Variants in LRRC4C observed in about 807,000 individuals in gnomAD.
The protein encoded by LRRC4C is leucine-rich repeat-containing protein 4C.
A neutral mutation model predicts 33.6 loss-of-function variants in LRRC4C; 5 were observed. The ratio of observed to expected loss-of-function variants is 0.15; its 90% CI spans 0.08 to 0.31. The LOEUF is 0.31. Ranked by LOEUF, LRRC4C falls within the 10% of genes least tolerant of loss-of-function variation. The pLI is 1.00. For synonymous variants in LRRC4C, 329 were observed against 302.0 expected, an observed-to-expected ratio of 1.09 and a Z score of -0.93; for missense variants, 560 against 796.7, an observed-to-expected ratio of 0.70 and a Z score of 3.58.
intron 2 of LRRC4C, among the ~76,000 whole-genome samples, chr11:40,671,444 G>A (rs1944103466): frequency 6.6e-6 from 1 of 152,124 alleles, no homozygotes; most frequent in Non-Finnish European, 1.5e-5. Context: ...GGATTGGGAA[G>A]CAGATAGAGA....
intron 5 of LRRC4C, among the ~76,000 whole-genome samples, chr11:40,194,625 T>G (rs1428931419): frequency 2.1e-3 from 240 of 112,294 alleles, no homozygotes; most frequent in East Asian, 2.2e-3. Context: ...TGTCGGGGGG[T>G]GGGGGGCAAA....
At chr11:41,410,422 T>G (rs993740615) in intron 1 of LRRC4C, among the ~76,000 whole-genome samples, 2 of 151,532 alleles carry the variant, frequency 1.3e-5, no homozygotes, top group Non-Finnish European at 2.9e-5. Flanking sequence ...TTTTCTTTTT[T>G]TTTTTTCGAG....
intron 2 of LRRC4C, among the ~76,000 whole-genome samples, chr11:40,659,080 G>A (rs1174270489): frequency 6.6e-6 from 1 of 152,220 alleles, no homozygotes; most frequent in Non-Finnish European, 1.5e-5. Flanking sequence ...GGGGGCCCAG[G>A]AAGCCCCTAC....
In LRRC4C at chr11:40,166,824, T is replaced by C. The variant is rs566710024; in HGVS notation, c.-95-25971A>G. ...GAAAATATTGGAGTGCATTATATAC[T>C]GTATACTGTTTTGTGATATAAACAT... is the stretch of plus-strand genomic sequence containing the variant. On this transcript the variant is annotated intron_variant, in intron 5 of 6. Transcript: ENST00000528697. Among the ~76,000 whole-genome samples the C allele has an allele frequency of 1.6e-4, 24 of 152,232 alleles. No homozygotes were observed. In the East Asian group the frequency reaches 4.1e-3, roughly 26 times the overall value.
intron 1 of LRRC4C, among the ~76,000 whole-genome samples, chr11:41,093,813 C>T (rs569854689): frequency 2.0e-4 from 30 of 151,088 alleles, no homozygotes; most frequent in Non-Finnish European, 3.1e-4. Flanking sequence ...ACAGACCGGC[C>T]GGGCCCGGTG....
chr11:41,011,657 A>G (rs561527966), intron 1 of LRRC4C, among the ~76,000 whole-genome samples: 9 of 151,954 alleles, frequency 5.9e-5, no homozygotes, highest in Admixed American at 5.9e-4. Flanking sequence ...CACGTACTCC[A>G]AATTGCCCCC....
At chr11:40,894,810 A>G (rs1179049534) in intron 2 of LRRC4C, among the ~76,000 whole-genome samples, 1 of 152,076 alleles carries the variant, frequency 6.6e-6, no homozygotes, top group Non-Finnish European at 1.5e-5. Context: ...CTTTAATTTC[A>G]CCATGTTCTT....
chr11:40,370,455 G>T (rs759218418), intron 3 of LRRC4C, among the ~76,000 whole-genome samples: 1 of 152,108 alleles, frequency 6.6e-6, no homozygotes. Flanking sequence ...ATTCACAAGG[G>T]GGAGGAGTAA....
intron 2 of LRRC4C, among the ~76,000 whole-genome samples, chr11:40,821,651 A>G (rs907050806): frequency 1.3e-5 from 2 of 151,528 alleles, no homozygotes; most frequent in African/African-American, 4.8e-5. Flanking sequence ...GTTTGTAAAA[A>G]TTAATAAATA....
chr11:40,192,341 C>A (rs777277405), intron 5 of LRRC4C, among the ~76,000 whole-genome samples: 1 of 152,100 alleles, frequency 6.6e-6, no homozygotes, highest in Non-Finnish European at 1.5e-5. Context: ...GGTTGGGCAT[C>A]GCCTCACCCA....
intron 1 of LRRC4C, among the ~76,000 whole-genome samples, chr11:41,170,024 T>C (rs926623306): frequency 2.1e-4 from 32 of 152,234 alleles, no homozygotes; most frequent in African/African-American, 7.0e-4. Flanking sequence ...GTTGAAACAA[T>C]GTGATGAAGG....
intron 1 of LRRC4C, among the ~76,000 whole-genome samples, chr11:41,353,348 A>C (rs187667126): frequency 6.6e-6 from 1 of 152,264 alleles, no homozygotes; most frequent in Non-Finnish European, 1.5e-5. Flanking sequence ...CAGACCAATA[A>C]TGAGTTCTGT....
At chr11:41,013,703 T>C (rs568122535) in intron 1 of LRRC4C, among the ~76,000 whole-genome samples, 1 of 152,282 alleles carries the variant, frequency 6.6e-6, no homozygotes, top group East Asian at 1.9e-4. Context: ...GTCTCATAGA[T>C]GATGCCTGTA....
At chr11:40,270,246 T>C (rs1942590377) in intron 4 of LRRC4C, among the ~76,000 whole-genome samples, 1 of 152,156 alleles carries the variant, frequency 6.6e-6, no homozygotes, top group Admixed American at 6.6e-5. Context: ...GCTTAAACAA[T>C]AGAAATTCAT....
At chr11:40,799,959 G>C (rs1299041195) in intron 2 of LRRC4C, among the ~76,000 whole-genome samples, 1 of 151,926 alleles carries the variant, frequency 6.6e-6, no homozygotes, top group Non-Finnish European at 1.5e-5. Flanking sequence ...CTATTTTCAG[G>C]TAACACACAT....
At chr11:40,390,889 T>C (rs1949308817) in intron 3 of LRRC4C, among the ~76,000 whole-genome samples, 1 of 152,110 alleles carries the variant, frequency 6.6e-6, no homozygotes, top group South Asian at 2.1e-4. Flanking sequence ...TTTGTTTTGT[T>C]TTTTGTTTTT....
intron 3 of LRRC4C, among the ~76,000 whole-genome samples, chr11:40,484,679 CTT>C (rs1233729891): frequency 3.3e-5 from 5 of 152,058 alleles, no homozygotes; most frequent in Admixed American, 6.6e-5. Flanking sequence ...ACATACAAAA[CTT>C]AGACAAGCTG....
At chr11:40,189,856 T>C (rs1379479545) in intron 5 of LRRC4C, among the ~76,000 whole-genome samples, 4 of 152,214 alleles carry the variant, frequency 2.6e-5, no homozygotes, top group Admixed American at 1.3e-4. Context: ...GTTAACTTTT[T>C]AAACATACAT....
chr11:40,733,229 C>T (rs1008839717), intron 2 of LRRC4C, among the ~76,000 whole-genome samples: 16 of 151,648 alleles, frequency 1.1e-4, no homozygotes, highest in Admixed American at 6.6e-5. Context: ...GCGCCTGCCA[C>T]CACACCCGGC....
Sources: allele counts gnomAD v4.1 joint callset (sites outside exome capture counted in the v4.1 genomes callset), GRCh38; gene constraint gnomAD v4.1.1; transcripts MANE v1.5; gene names NCBI Gene and HGNC (gene_info 2026-07-23, HGNC 2026-07-21).